The following RALYL variants were observed in gnomAD, a reference collection of about 807,000 sequenced individuals.
RALYL encodes RALY RNA binding protein like.
Under a neutral mutation model 35.1 loss-of-function variants are expected in RALYL, and 29 were observed. That is an observed-to-expected ratio of 0.83 (90% CI 0.61 to 1.13). The LOEUF is 1.13. Ranked by LOEUF, RALYL falls within the 50% of genes most tolerant of loss-of-function variation. The pLI, the probability that RALYL is intolerant of heterozygous loss-of-function variation, is 0.00. For synonymous variants in RALYL, 120 were observed against 127.6 expected (o/e 0.94, Z 0.40); for missense variants, 359 against 360.4 (o/e 1.00, Z 0.03).
intron 1 of RALYL, among the ~76,000 whole-genome samples, chr8:84,201,137 T>A (rs1164732491): frequency 6.6e-6 from 1 of 152,174 alleles, no homozygotes; most frequent in East Asian, 1.9e-4. Flanking sequence ...CATTTCCAGC[T>A]ACAAAATGTG....
chr8:84,608,256 T>G (rs114824283), intron 2 of RALYL, among the ~76,000 whole-genome samples: 3,140 of 152,116 alleles, frequency 0.021, 108 homozygotes, highest in African/African-American at 0.072. Flanking sequence ...TAGGGTAAAC[T>G]GTTGGTGGAT....
At chr8:84,431,053 G>A (rs1186101444) in intron 1 of RALYL, among the ~76,000 whole-genome samples, 2 of 152,220 alleles carry the variant, frequency 1.3e-5, no homozygotes, top group African/African-American at 4.8e-5. Flanking sequence ...TAAAATCTCT[G>A]GGAGAATTAG....
intron 1 of RALYL, among the ~76,000 whole-genome samples, chr8:84,390,532 T>C (rs1046883564): frequency 2.0e-5 from 3 of 152,230 alleles, no homozygotes; most frequent in East Asian, 3.9e-4. Flanking sequence ...CTGTTATTGG[T>C]CTATTCAGAG....
chr8:84,736,002 G>T (rs148234320), intron 2 of RALYL, among the ~76,000 whole-genome samples: 1 of 152,098 alleles, frequency 6.6e-6, no homozygotes, highest in African/African-American at 2.4e-5. Flanking sequence ...TAGGTTCTAA[G>T]ATATTCTCCC....
In RALYL at chr8:84,774,646, A is replaced by G. The variant is rs1424165507; in HGVS notation, c.324A>G (p.Ala108=). 6.2e-7 allele frequency: 1 copy of G among 1,606,440 alleles called. No homozygotes were observed. Among genetic ancestry groups the G allele is most frequent in the Admixed American group, 1.7e-5 (1 of 59,324 alleles). Residue 108 remains alanine (A), a synonymous_variant, in exon 3 of 9, where the codon GCA becomes GCG. Transcript: ENST00000521268. The stretch of plus-strand genomic sequence containing the variant: ...CTGGAAACAAGAGGCCCCTTTCTGC[A>G]CTTTACAGGTAAGTAGATAAGCACT... The part of the protein sequence containing the change: ...PKPGNKRPLS[A]LYRLESKEPF...
intron 1 of RALYL, among the ~76,000 whole-genome samples, chr8:84,432,333 C>A (rs1452838284): frequency 6.6e-6 from 1 of 152,004 alleles, no homozygotes; most frequent in Non-Finnish European, 1.5e-5. Context: ...AATAGTCAGA[C>A]TTACAGAGGC....
intron 1 of RALYL, among the ~76,000 whole-genome samples, chr8:84,501,865 A>G (rs1041998629): frequency 6.6e-6 from 1 of 150,436 alleles, no homozygotes; most frequent in African/African-American, 2.4e-5. Context: ...ATATAATATC[A>G]TATTATGTTA....
rs559608895 is a variant in RALYL, at chr8:84,452,387, T to G, written c.-23-76912T>G. 2.0e-5 allele frequency among the ~76,000 whole-genome samples: 3 copies of G among 152,068 alleles called. No homozygotes were observed. In the East Asian group the frequency reaches 5.8e-4, roughly 30 times the overall value. ...ATTCTAAAATAAAATGTAGCCCTTA[T>G]AAAGTGTATAAAAGTATCAGTATTA... On this transcript the variant is annotated intron_variant, in intron 1 of 8. Transcript: ENST00000521268.
At chr8:84,320,351 CAT>C (rs373932180) in intron 1 of RALYL, among the ~76,000 whole-genome samples, 15 of 151,278 alleles carry the variant, frequency 9.9e-5, no homozygotes, top group African/African-American at 3.1e-4. Context: ...TTTCTCTCAC[CAT>C]ATATATATAT....
chr8:84,608,325 A>G lies in RALYL; in HGVS notation c.256+78748A>G, dbSNP rs770696349. Among the ~76,000 whole-genome samples the G allele has an allele frequency of 6.6e-5, 10 of 152,134 alleles. 1 individual carries two copies. Among genetic ancestry groups the G allele is most frequent in the Non-Finnish European group, 1.0e-4 (7 of 68,020 alleles). On this transcript the variant is annotated intron_variant, in intron 2 of 8. Transcript: ENST00000521268. The stretch of plus-strand genomic sequence containing the variant: ...GGCCAATCTGTCCCTGCAGGGAGAC[A>G]TGGGCACCTCATGCAGGACTGGGAT...
intron 2 of RALYL, among the ~76,000 whole-genome samples, chr8:84,753,482 TGATAAGATTTGA>T (rs1402177332): frequency 6.6e-6 from 1 of 152,118 alleles, no homozygotes; most frequent in Non-Finnish European, 1.5e-5. Context: ...CTAGGCAGAA[TGATAAGATTTGA>T]GTTTGTGTCC....
At chr8:84,340,774 G>A (rs1179765519) in intron 1 of RALYL, among the ~76,000 whole-genome samples, 1 of 152,046 alleles carries the variant, frequency 6.6e-6, no homozygotes, top group Non-Finnish European at 1.5e-5. Flanking sequence ...GCTGCAATGT[G>A]CATGGGAGTG....
intron 4 of RALYL, among the ~76,000 whole-genome samples, chr8:84,817,531 T>TTTA (rs59809592): frequency 0.043 from 6,280 of 147,438 alleles, 139 homozygotes; most frequent in East Asian, 0.07. Context: ...TAACTAATCT[T>TTTA]TTATTATTAT....
At chr8:84,485,326 C>T (rs570932000) in intron 1 of RALYL, among the ~76,000 whole-genome samples, 30 of 152,280 alleles carry the variant, frequency 2.0e-4, no homozygotes, top group South Asian at 4.1e-4. Flanking sequence ...CGGTGGCTCA[C>T]GCCTTTAATC....
chr8:84,600,592 T>C (rs1353400458), intron 2 of RALYL, among the ~76,000 whole-genome samples: 1 of 152,144 alleles, frequency 6.6e-6, no homozygotes, highest in African/African-American at 2.4e-5. Context: ...TTTGCTTTCC[T>C]TCTAGATCTC....
chr8:84,471,251 G>A (rs1033760882), intron 1 of RALYL, among the ~76,000 whole-genome samples: 33 of 152,048 alleles, frequency 2.2e-4, no homozygotes, highest in Non-Finnish European at 2.1e-4. Context: ...TTTAAAATTA[G>A]CTCTTTGTTT....
intron 8 of RALYL, among the ~76,000 whole-genome samples, chr8:84,913,032 A>ATGGATGGATGGATAGGTAGG (rs567355226): frequency 1.8e-5 from 2 of 109,046 alleles, no homozygotes; most frequent in Admixed American, 2.2e-4. Flanking sequence ...GGATGGATGG[A>ATGGATGGATGGATAGGTAGG]TAGGTAGGTA....
rs558813668 is a variant in RALYL, at chr8:84,445,881, T to A, written c.-23-83418T>A. On this transcript the variant is annotated intron_variant, in intron 1 of 8. Transcript: ENST00000521268. ...ATTTTATATAATAATGTAATAGTATTCTTTTTTTGATAATTCATTCTACTT... is the reference window on the plus strand; with the variant it reads ...ATTTTATATAATAATGTAATAGTATACTTTTTTTGATAATTCATTCTACTT... Among the ~76,000 whole-genome samples the A allele has an allele frequency of 9.4e-4, 143 of 151,564 alleles. 2 individuals are homozygous for A. In the South Asian group the frequency reaches 0.02, roughly 21 times the overall value.
chr8:84,464,694 T>A (rs1475973383), intron 1 of RALYL, among the ~76,000 whole-genome samples: 1 of 152,150 alleles, frequency 6.6e-6, no homozygotes, highest in African/African-American at 2.4e-5. Context: ...TTTCCAGTTC[T>A]AGATCCCTAA....
Sources: allele counts gnomAD v4.1 joint callset (sites outside exome capture counted in the v4.1 genomes callset), GRCh38; gene constraint gnomAD v4.1.1; transcripts MANE v1.5; gene names NCBI Gene and HGNC (gene_info 2026-07-23, HGNC 2026-07-21).